ZNF341: variants seen among roughly 807,000 people sequenced by gnomAD.
The protein encoded by ZNF341 is zinc finger protein 341.
A neutral mutation model predicts 87.7 loss-of-function variants in ZNF341; 52 were observed. The ratio of observed to expected loss-of-function variants is 0.59; its 90% CI spans 0.47 to 0.75. ZNF341 has a LOEUF of 0.75. Ranked by LOEUF, ZNF341 falls within the 30% of genes least tolerant of loss-of-function variation. The pLI is 0.00. For missense variants in ZNF341, 977 were observed against 1,145.9 expected (o/e 0.85, Z 2.13); for synonymous variants, 459 against 472.7 (o/e 0.97, Z 0.38).
chr20:33,781,823 G>C (rs1195329733), intron 11 of ZNF341, among the ~76,000 whole-genome samples: 2 of 151,986 alleles, frequency 1.3e-5, no homozygotes, highest in African/African-American at 2.4e-5. Context: ...GGGACTATAG[G>C]CATGTGCCAC....
At chr20:33,760,255 T>C (rs577726286) in intron 7 of ZNF341, among the ~76,000 whole-genome samples, 9 of 151,508 alleles carry the variant, frequency 5.9e-5, no homozygotes, top group Admixed American at 1.3e-4. Context: ...ATACAAAAAT[T>C]AGTTGGGCAT....
intron 4 of ZNF341, chr20:33,752,417 G>T: frequency 1.6e-6 from 1 of 622,712 alleles, no homozygotes; most frequent in Non-Finnish European, 3.1e-6. Context: ...GAGTGCCTGA[G>T]GAGCACGCTT....
chr20:33,757,309 C>A lies in ZNF341; in HGVS notation c.903C>A (p.Thr301=). The A allele has an allele frequency of 6.3e-7, 1 of 1,587,172 alleles. No individual in the cohort carries two copies. The highest frequency in any genetic ancestry group is 8.6e-7 in the Non-Finnish European group (1 of 1,167,918). The part of the protein sequence containing the change: ...ATFDSPATLK[T]RRAKGARGLP... Reference sequence around the variant, plus strand: ...TTGACTCTCCAGCAACGCTGAAGACCCGACGAGCTAAAGGTGCCAGGGGAC... The same window carrying A: ...TTGACTCTCCAGCAACGCTGAAGACACGACGAGCTAAAGGTGCCAGGGGAC... Residue 301 remains threonine (T), a synonymous_variant, in exon 6 of 15, where the codon ACC becomes ACA. Transcript: ENST00000375200.
chr20:33,782,749 C>T (rs773018990), intron 11 of ZNF341, among the ~76,000 whole-genome samples: 11 of 152,172 alleles, frequency 7.2e-5, no homozygotes, highest in Non-Finnish European at 1.3e-4. Context: ...GGTCTGTGCC[C>T]GTGACCAACG....
At position 33,758,803 on chromosome 20, in the gene ZNF341, G is replaced by T; in HGVS notation, c.1025G>T (p.Arg342Leu). 3.1e-6 allele frequency: 5 copies of T among 1,613,746 alleles called. No homozygotes were observed. Among genetic ancestry groups the T allele is most frequent in the Non-Finnish European group, 4.2e-6 (5 of 1,179,858 alleles). The change falls in exon 7 of 15, where the codon CGA becomes CTA. Residue 342 changes from arginine (R) to leucine (L), a missense_variant. Arg to Leu is a moderately radical substitution (Grantham distance 102). Transcript: ENST00000375200. ...AACTTTGACCTGCAGCAGCACATCC[G>T]AAGGTACACATGCGTGGTGAGGCAG... is the stretch of plus-strand genomic sequence containing the variant. ...TKNFDLQQHI[R>L]SHTGEKPFQC...
chr20:33,752,435 C>A, intron 4 of ZNF341: 1 of 607,718 alleles, frequency 1.6e-6, no homozygotes, highest in Non-Finnish European at 3.2e-6. Flanking sequence ...CTTCTTGAAG[C>A]CACTCCATGG....
At chr20:33,755,408 C>T (rs945458134) in intron 5 of ZNF341, among the ~76,000 whole-genome samples, 5 of 150,176 alleles carry the variant, frequency 3.3e-5, no homozygotes, top group African/African-American at 1.2e-4. Flanking sequence ...GTGATCCTCT[C>T]ACCTCAGCCT....
At chr20:33,738,920 A>G (rs1199965525) in intron 1 of ZNF341, among the ~76,000 whole-genome samples, 1 of 152,200 alleles carries the variant, frequency 6.6e-6, no homozygotes, top group Non-Finnish European at 1.5e-5. Context: ...GTGACAAGGG[A>G]AGGCATGGAT....
chr20:33,782,683 G>A (rs1322790393), intron 11 of ZNF341, among the ~76,000 whole-genome samples: 1 of 152,180 alleles, frequency 6.6e-6, no homozygotes, highest in Non-Finnish European at 1.5e-5. Flanking sequence ...GGGAAACCAA[G>A]GCAGAAAGGT....
chr20:33,732,782 C>T lies in ZNF341; in HGVS notation c.31+730C>T, dbSNP rs2018600213. ...AAGAACCTGGGATGGGGTTGGTGCT[C>T]AGGCTCAAAACTGTGGGCTTTGGAG... On this transcript the variant is annotated intron_variant, in intron 1 of 14. Coordinates refer to ENST00000375200, the MANE Select transcript of ZNF341 (RefSeq NM_001282933.2). This position sits in a 1 kb window ranked among gnomAD's most constrained non-coding sequence, Gnocchi z 4.5. Among the ~76,000 whole-genome samples the T allele has an allele frequency of 1.3e-5, 2 of 152,206 alleles. No homozygotes were observed. Among genetic ancestry groups the T allele is most frequent in the South Asian group, 4.1e-4 (2 of 4,834 alleles).
At position 33,791,896 on chromosome 20, in the gene ZNF341, G is replaced by C. The variant is rs6142021; in HGVS notation, c.*379G>C. ...CCAGGCTGCCTCTGGGTAGCCTCTA[G>C]TCTGCTGTTCTTCAGGAGGCCTGCC... On this transcript the variant is annotated 3_prime_UTR_variant, in exon 15 of 15. Coordinates refer to ENST00000375200, the MANE Select transcript of ZNF341 (RefSeq NM_001282933.2). 1 of 223,220 alleles carries C rather than the reference G, an allele frequency of 4.5e-6. No homozygotes were observed. Among genetic ancestry groups the C allele is most frequent in the Non-Finnish European group, 8.8e-6 (1 of 113,630 alleles). 13.8% of individuals were successfully genotyped at this position (223,220 alleles called of 1,614,324 possible). A position where few individuals can be genotyped will look rare whatever the true frequency, so the allele number is the denominator to read the frequency against.
chr20:33,777,322 C>CAAAAAAA (rs71192713), intron 10 of ZNF341, among the ~76,000 whole-genome samples: 6 of 32,670 alleles, frequency 1.8e-4, no homozygotes, highest in African/African-American at 3.9e-4. Context: ...GACCCTATCT[C>CAAAAAAA]AAAAAAAAAA....
In ZNF341 at chr20:33,747,640, A is replaced by C. The variant is rs1174484714; in HGVS notation, c.340-1283A>C. On this transcript the variant is annotated intron_variant, in intron 3 of 14. Coordinates refer to ENST00000375200, the MANE Select transcript of ZNF341 (RefSeq NM_001282933.2). Reference sequence around the variant, plus strand: ...AAAAAAAAAAAAAAAAAAAAAAAAAAAACACAGTCATTTTTCTCACTGCTT... The same window carrying C: ...AAAAAAAAAAAAAAAAAAAAAAAAACAACACAGTCATTTTTCTCACTGCTT... Among the ~76,000 whole-genome samples the C allele has an allele frequency of 3.1e-5, 4 of 130,932 alleles. 1 individual carries two copies. Among genetic ancestry groups the C allele is most frequent in the African/African-American group, 1.5e-4 (4 of 26,124 alleles). 85.9% of individuals were successfully genotyped at this position (130,932 alleles called of 152,430 possible). A position where few individuals can be genotyped will look rare whatever the true frequency, so the allele number is the denominator to read the frequency against.
chr20:33,780,776 G>T (rs2019725728), intron 10 of ZNF341, among the ~76,000 whole-genome samples: 1 of 151,872 alleles, frequency 6.6e-6, no homozygotes, highest in East Asian at 1.9e-4. Flanking sequence ...GAGTGTAGTG[G>T]CATAATCATG....
chr20:33,757,847 A>G (rs1197407283), intron 6 of ZNF341, among the ~76,000 whole-genome samples: 1 of 152,234 alleles, frequency 6.6e-6, no homozygotes, highest in Admixed American at 6.6e-5. Context: ...GGACATTGAT[A>G]TTCCCATTAT....
At chr20:33,764,025 T>A (rs908421061) in intron 8 of ZNF341, among the ~76,000 whole-genome samples, 2 of 148,958 alleles carry the variant, frequency 1.3e-5, no homozygotes, top group African/African-American at 2.5e-5. Flanking sequence ...TCTCTCTTTT[T>A]TTTTTTTTTT....
chr20:33,742,324 G>A (rs1205662759), intron 2 of ZNF341, among the ~76,000 whole-genome samples: 3 of 152,114 alleles, frequency 2.0e-5, no homozygotes, highest in Non-Finnish European at 4.4e-5. Flanking sequence ...AGCCTCCTGA[G>A]TAGCTGGGAT....
intron 12 of ZNF341, chr20:33,787,312 A>G (rs922750249): frequency 7.2e-5 from 11 of 151,952 alleles, no homozygotes; most frequent in African/African-American, 2.7e-4. Context: ...AAGCTGTTCT[A>G]CTGCTTTCTT....
At chr20:33,761,201 C>T (rs747977374) in intron 7 of ZNF341, among the ~76,000 whole-genome samples, 13 of 152,010 alleles carry the variant, frequency 8.6e-5, no homozygotes, top group Admixed American at 5.9e-4. Context: ...AAATGTTAAA[C>T]TGTGGTACAA....
Sources: gnomAD v4.1 joint callset for allele counts (sites outside exome capture counted in the v4.1 genomes callset) on GRCh38, gnomAD v4.1.1 for gene constraint, Gnocchi (gnomAD v3.1) non-coding constraint, MANE v1.5 for transcripts, NCBI Gene and HGNC (gene_info 2026-07-23, HGNC 2026-07-21) for gene names.